The following CADM1 variants were observed in gnomAD, a reference collection of about 807,000 sequenced individuals.
CADM1 encodes TSLC-1.
CADM1 carries 15 observed loss-of-function variants against 53.1 expected under a neutral mutation model. The observed-to-expected ratio is 0.28, with a 90% CI of 0.19 to 0.44. The LOEUF is 0.44. Ranked by LOEUF, CADM1 falls within the 20% of genes least tolerant of loss-of-function variation. CADM1 has a pLI of 1.00. For synonymous variants in CADM1, 281 were observed against 243.0 expected, an observed-to-expected ratio of 1.16 and a Z score of -1.45; for missense variants, 434 against 611.3, an observed-to-expected ratio of 0.71 and a Z score of 3.06.
At chr11:115,225,465 C>G (rs1054914426) in intron 5 of CADM1, among the ~76,000 whole-genome samples, 2 of 152,064 alleles carry the variant, frequency 1.3e-5, no homozygotes, top group African/African-American at 4.8e-5. Context: ...CTGTACTCAC[C>G]AAAAACTTAA....
intron 7 of CADM1, among the ~76,000 whole-genome samples, chr11:115,213,192 A>T (rs1178369049): frequency 6.6e-6 from 1 of 152,180 alleles, no homozygotes; most frequent in African/African-American, 2.4e-5. Flanking sequence ...GTGTGAAGAG[A>T]GCACATGCAG....
At chr11:115,393,025 T>A (rs1377920173) in intron 1 of CADM1, among the ~76,000 whole-genome samples, 9 of 122,850 alleles carry the variant, frequency 7.3e-5, no homozygotes, top group Non-Finnish European at 4.7e-5. Context: ...GAATAGCCAC[T>A]GCAAACCAGC....
intron 10 of CADM1, among the ~76,000 whole-genome samples, chr11:115,186,510 A>AG (rs968361608): frequency 1.3e-5 from 2 of 152,256 alleles, no homozygotes; most frequent in African/African-American, 4.8e-5. Flanking sequence ...TGGATTTCAT[A>AG]GGGGGAAAGG....
At chr11:115,471,238 T>C (rs1483547104) in intron 1 of CADM1, among the ~76,000 whole-genome samples, 1 of 152,200 alleles carries the variant, frequency 6.6e-6, no homozygotes, top group Non-Finnish European at 1.5e-5. Flanking sequence ...GGGGAACACA[T>C]GTCTGTCAAA....
intron 1 of CADM1, among the ~76,000 whole-genome samples, chr11:115,298,538 T>C (rs991674744): frequency 3.9e-5 from 6 of 152,320 alleles, no homozygotes; most frequent in Middle Eastern, 3.4e-3. Context: ...CACTTCATCT[T>C]GTAAGAGACT....
intron 1 of CADM1, among the ~76,000 whole-genome samples, chr11:115,343,548 CAG>C (rs1422049520): frequency 6.6e-6 from 1 of 152,032 alleles, no homozygotes; most frequent in Non-Finnish European, 1.5e-5. Flanking sequence ...CCTAAATATT[CAG>C]AGACTGGTTT....
rs762665519 is a variant in CADM1, at chr11:115,209,542, G to A, written c.1078+32C>T. ...ATACCAGAAAGACAATATACATTCA[G>A]GACATTTTCAATGGTAATGAAGATA... On this transcript the variant is annotated intron_variant, in intron 8 of 11. Transcript: ENST00000331581. 9 of 1,611,872 alleles carry A rather than the reference G, an allele frequency of 5.6e-6. No homozygotes were observed. The Admixed American group carries it at 1.5e-4, about 27-fold the overall frequency.
At chr11:115,177,516 A>G (rs1939091802) in intron 11 of CADM1, among the ~76,000 whole-genome samples, 1 of 152,106 alleles carries the variant, frequency 6.6e-6, no homozygotes, top group African/African-American at 2.4e-5. Context: ...CTATATTTTC[A>G]GGTTTTCAAA....
chr11:115,323,132 T>G (rs1269478631), intron 1 of CADM1, among the ~76,000 whole-genome samples: 1 of 152,164 alleles, frequency 6.6e-6, no homozygotes, highest in African/African-American at 2.4e-5. Context: ...GCTATCCTAC[T>G]GGGTCTGAAG....
intron 1 of CADM1, among the ~76,000 whole-genome samples, chr11:115,457,588 CCATT>C (rs1201504210): frequency 6.6e-6 from 1 of 152,022 alleles, no homozygotes; most frequent in African/African-American, 2.4e-5. Context: ...AATTCAGCTC[CCATT>C]TATTTAAATA....
chr11:115,259,150 TA>T (rs898562397), intron 1 of CADM1, among the ~76,000 whole-genome samples: 106 of 152,224 alleles, frequency 7.0e-4, no homozygotes, highest in African/African-American at 2.3e-3. Context: ...CACGCCCAGC[TA>T]ATTTTTGTAG....
intron 10 of CADM1, among the ~76,000 whole-genome samples, chr11:115,188,901 G>GT (rs68070649): frequency 1.4e-3 from 203 of 147,294 alleles, no homozygotes; most frequent in African/African-American, 4.5e-3. Flanking sequence ...TTTATTGGTT[G>GT]TTTTTTTTTT....
At chr11:115,438,271 C>A (rs927640079) in intron 1 of CADM1, among the ~76,000 whole-genome samples, 2 of 152,076 alleles carry the variant, frequency 1.3e-5, no homozygotes, top group Non-Finnish European at 2.9e-5. Context: ...GCATTCTATT[C>A]CTGAATAGGG....
intron 1 of CADM1, among the ~76,000 whole-genome samples, chr11:115,323,131 C>T (rs1394526041): frequency 6.6e-6 from 1 of 152,256 alleles, no homozygotes; most frequent in East Asian, 1.9e-4. Context: ...AGCTATCCTA[C>T]TGGGTCTGAA....
chr11:115,387,446 A>G (rs1172649399), intron 1 of CADM1, among the ~76,000 whole-genome samples: 1 of 152,186 alleles, frequency 6.6e-6, no homozygotes, highest in Non-Finnish European at 1.5e-5. Flanking sequence ...AATTAAAAAC[A>G]TAACCACTAT....
chr11:115,480,981 T>C (rs574646464), intron 1 of CADM1, among the ~76,000 whole-genome samples: 13 of 151,538 alleles, frequency 8.6e-5, no homozygotes, highest in African/African-American at 2.7e-4. Flanking sequence ...AGTGATCAAC[T>C]CTCACTTTCC....
intron 1 of CADM1, among the ~76,000 whole-genome samples, chr11:115,348,526 C>G (rs1441047363): frequency 6.6e-6 from 1 of 152,130 alleles, no homozygotes; most frequent in Non-Finnish European, 1.5e-5. Flanking sequence ...TGGGTTATGA[C>G]CACTTGAAGG....
At chr11:115,355,865 C>T (rs2135076082) in intron 1 of CADM1, among the ~76,000 whole-genome samples, 1 of 152,212 alleles carries the variant, frequency 6.6e-6, no homozygotes, top group African/African-American at 2.4e-5. Context: ...GGAGTCTCGC[C>T]CTGTAGCCCA....
chr11:115,311,678 G>A (rs1209029781), intron 1 of CADM1, among the ~76,000 whole-genome samples: 2 of 152,084 alleles, frequency 1.3e-5, no homozygotes, highest in Non-Finnish European at 2.9e-5. Context: ...TTTGACAGAT[G>A]GGAAAACAGG....
Sources: allele counts gnomAD v4.1 joint callset (sites outside exome capture counted in the v4.1 genomes callset), GRCh38; gene constraint gnomAD v4.1.1; transcripts MANE v1.5; gene names NCBI Gene and HGNC (gene_info 2026-07-23, HGNC 2026-07-21).